The following FAM169A variants were observed in gnomAD, a reference collection of about 807,000 sequenced individuals.
FAM169A encodes the protein soluble lamin-associated protein of 75 kDa.
FAM169A carries 24 observed loss-of-function variants against 75.7 expected under a neutral mutation model. The ratio of observed to expected loss-of-function variants is 0.32; its 90% CI spans 0.23 to 0.45. FAM169A has a LOEUF of 0.45. FAM169A is among the 20% of genes least tolerant of loss of function. The probability of loss-of-function intolerance (pLI) is 1.00; values close to 1 mark genes in which losing one functional copy is unlikely to be tolerated. For missense variants in FAM169A, 673 were observed against 784.0 expected, an observed-to-expected ratio of 0.86 and a Z score of 1.69; for synonymous variants, 271 against 271.0, an observed-to-expected ratio of 1.00 and a Z score of 0.00.
At chr5:74,814,042 C>G (rs756620026) in intron 5 of FAM169A, 23 bp from the exon 6 acceptor site, 2 of 1,450,908 alleles carry the variant, frequency 1.4e-6, no homozygotes, top group Non-Finnish European at 1.8e-6. Flanking sequence ...GAACAGAAAC[C>G]CAATAATTTC....
intron 10 of FAM169A, chr5:74,799,879 A>G (rs558530130): frequency 1.0e-6 from 1 of 1,001,374 alleles, no homozygotes; most frequent in South Asian, 1.3e-5. Context: ...ATCCAACGCA[A>G]CATGTCTGCC....
intron 1 of FAM169A, chr5:74,865,461 C>T (rs1265400766): frequency 2.6e-5 from 4 of 152,182 alleles, no homozygotes; most frequent in African/African-American, 7.2e-5. Flanking sequence ...GATGCTTCAT[C>T]CTTTCTCCCC....
chr5:74,859,345 C>T (rs77971553), intron 1 of FAM169A, among the ~76,000 whole-genome samples: 11,166 of 136,806 alleles, frequency 0.082, 577 homozygotes, highest in East Asian at 0.16. Context: ...GCTGGAGTGC[C>T]GTGGCACAAT....
At chr5:74,827,899 C>T (rs148111818) in intron 5 of FAM169A, among the ~76,000 whole-genome samples, 1 of 152,096 alleles carries the variant, frequency 6.6e-6, no homozygotes, top group East Asian at 1.9e-4. Flanking sequence ...CTCCTGACCT[C>T]GGGTGATCTG....
chr5:74,843,272 G>A (rs926555927), intron 1 of FAM169A, among the ~76,000 whole-genome samples: 4 of 152,020 alleles, frequency 2.6e-5, no homozygotes, highest in Admixed American at 6.6e-5. Flanking sequence ...GCATCATAAA[G>A]GTACTGGATC....
In FAM169A at chr5:74,805,278, T is replaced by C. The variant is rs1262588087; in HGVS notation, c.677A>G (p.Lys226Arg). 2 of 1,609,640 alleles carry C rather than the reference T, an allele frequency of 1.2e-6. No individual in the cohort carries two copies. The highest frequency in any genetic ancestry group is 1.3e-5 in the African/African-American group (1 of 74,752). Reference protein sequence around the residue: ...PLSSLMYTACKQYFEKYPGDH... With the variant: ...PLSSLMYTACRQYFEKYPGDH... ...TCCTGGATACTTCTCAAAGTATTGC[T>C]TGCAAGCTGAAAAACACATTTAGAA... is the stretch of plus-strand genomic sequence containing the variant. The change falls in exon 7 of 13, where the codon AAG becomes AGG. Residue 226 changes from lysine to arginine, a missense_variant. This residue lies in a region of FAM169A where 510 missense variants were observed against 550.9 expected (regional missense o/e 0.93). Transcript: ENST00000687041.
chr5:74,816,810 T>C (rs929700792), intron 5 of FAM169A, among the ~76,000 whole-genome samples: 2 of 152,166 alleles, frequency 1.3e-5, no homozygotes, highest in Non-Finnish European at 2.9e-5. Flanking sequence ...TCCTCAAAAT[T>C]CCACATTTTT....
At chr5:74,788,199 AAT>A (rs1745793944) in intron 11 of FAM169A, among the ~76,000 whole-genome samples, 1 of 152,192 alleles carries the variant, frequency 6.6e-6, no homozygotes, top group Non-Finnish European at 1.5e-5. Flanking sequence ...CAGGTAATCT[AAT>A]GGAGTTTTAG....
At chr5:74,827,669 CT>C (rs555386249) in intron 5 of FAM169A, among the ~76,000 whole-genome samples, 415 of 138,652 alleles carry the variant, frequency 3.0e-3, no homozygotes, top group East Asian at 0.021. Flanking sequence ...TGGAGCTTAT[CT>C]TTTTTTTTTT....
intron 5 of FAM169A, among the ~76,000 whole-genome samples, chr5:74,816,701 A>G (rs1420961994): frequency 1.3e-5 from 2 of 152,252 alleles, no homozygotes; most frequent in Non-Finnish European, 2.9e-5. Context: ...TACCTAGTAA[A>G]GCAAAAACTA....
At position 74,839,586 on chromosome 5, in the gene FAM169A, G is replaced by A. The variant is rs1335540569; in HGVS notation, c.232+488C>T. Among the ~76,000 whole-genome samples, 3 of 147,542 alleles carry A rather than the reference G, an allele frequency of 2.0e-5. No homozygotes were observed. In the East Asian group the frequency reaches 6.0e-4, roughly 29 times the overall value. On this transcript the variant is annotated intron_variant, in intron 3 of 12. Coordinates refer to ENST00000687041, the MANE Select transcript of FAM169A (RefSeq NM_001376049.1). ...ATTGTCCAGGCTAGAGTGCAATGGT[G>A]TGATCTCAGCTGACTACAACCTCCA...
At chr5:74,802,354 T>G (rs1746624652) in intron 8 of FAM169A, among the ~76,000 whole-genome samples, 1 of 152,032 alleles carries the variant, frequency 6.6e-6, no homozygotes, top group South Asian at 2.1e-4. Context: ...AAAGTGATAC[T>G]TTCGAATCAC....
At chr5:74,796,459 G>A (rs1746282389) in intron 10 of FAM169A, among the ~76,000 whole-genome samples, 1 of 151,160 alleles carries the variant, frequency 6.6e-6, no homozygotes, top group Admixed American at 6.6e-5. Context: ...AGGCTGGAGT[G>A]CAATGGCGCG....
chr5:74,803,400 T>C (rs1373245793), intron 8 of FAM169A, among the ~76,000 whole-genome samples: 2 of 152,126 alleles, frequency 1.3e-5, no homozygotes, highest in African/African-American at 2.4e-5. Flanking sequence ...TCCTTACATA[T>C]ATTGTTATTC....
At chr5:74,828,848 A>C (rs557036469) in intron 5 of FAM169A, among the ~76,000 whole-genome samples, 1 of 152,308 alleles carries the variant, frequency 6.6e-6, no homozygotes, top group Admixed American at 6.5e-5. Flanking sequence ...AAGAGAGAGT[A>C]GAGGCTGAGG....
intron 11 of FAM169A, among the ~76,000 whole-genome samples, chr5:74,793,858 C>G (rs560739232): frequency 7.8e-4 from 118 of 151,562 alleles, no homozygotes; most frequent in African/African-American, 2.7e-3. Flanking sequence ...AAAAAATTAG[C>G]AGGGCATGGT....
chr5:74,828,300 A>G (rs139999501), intron 5 of FAM169A, among the ~76,000 whole-genome samples: 3 of 152,336 alleles, frequency 2.0e-5, no homozygotes, highest in African/African-American at 4.8e-5. Flanking sequence ...ATATCCAGTC[A>G]CTTTTACACT....
chr5:74,815,180 AT>A (rs1455896917), intron 5 of FAM169A, among the ~76,000 whole-genome samples: 3 of 142,164 alleles, frequency 2.1e-5, no homozygotes, highest in Non-Finnish European at 3.0e-5. Flanking sequence ...AGATATTTTT[AT>A]TTTTTTTCTT....
Position 74,805,181 on chromosome 5 carries a change from T to C in FAM169A, c.774A>G (p.Leu258=). ...CTAGAATTTTAAGTGCTTCTCTTTG[T>C]AATGCTCTGGTGACTGGTATTCGCT... is the stretch of plus-strand genomic sequence containing the variant. ...WYQRIPVTRA[L]QREALKILAL... The change falls in exon 7 of 13, where the codon TTA becomes TTG. Residue 258 remains leucine, a synonymous_variant. Transcript: ENST00000687041. The C allele has an allele frequency of 6.2e-7, 1 of 1,613,946 alleles. No individual in the cohort carries two copies. The highest frequency in any genetic ancestry group is 8.5e-7 in the Non-Finnish European group (1 of 1,179,826).
Sources: allele counts gnomAD v4.1 joint callset (sites outside exome capture counted in the v4.1 genomes callset), GRCh38; gene constraint gnomAD v4.1.1; regional missense constraint gnomAD v4.1.1; transcripts MANE v1.5; gene names NCBI Gene and HGNC (gene_info 2026-07-23, HGNC 2026-07-21).